Variants in NAV1 observed in about 807,000 individuals in gnomAD.
NAV1 encodes pore membrane and/or filament interacting like protein 3.
NAV1 carries 18 observed loss-of-function variants against 175.2 expected under a neutral mutation model. That is an observed-to-expected ratio of 0.10 (90% CI 0.07 to 0.15). NAV1 has a LOEUF of 0.15. NAV1 is among the 10% of genes least tolerant of loss of function. The probability of loss-of-function intolerance (pLI) is 1.00; values close to 1 mark genes in which losing one functional copy is unlikely to be tolerated. For synonymous variants in NAV1, 897 were observed against 978.7 expected, an observed-to-expected ratio of 0.92 and a Z score of 1.56; for missense variants, 1,731 against 2,436.6, an observed-to-expected ratio of 0.71 and a Z score of 6.10.
intron 1 of NAV1, among the ~76,000 whole-genome samples, chr1:201,563,293 C>G (rs1388306738): frequency 4.6e-5 from 7 of 151,956 alleles, no homozygotes; most frequent in Non-Finnish European, 1.0e-4. Context: ...CGGGACCCAG[C>G]CTGGATGGCA....
chr1:201,591,217 A>G lies in NAV1; in HGVS notation c.-33+2568A>G, dbSNP rs762939735. Reference sequence around the variant, plus strand: ...ACGGTATTGGAGTCAAAGATCCCTAAGGCGTCTCTCCAGCTCCACACAGAT... The same window carrying G: ...ACGGTATTGGAGTCAAAGATCCCTAGGGCGTCTCTCCAGCTCCACACAGAT... On this transcript the variant is annotated intron_variant, in intron 2 of 33. Coordinates refer to the NAV1 transcript ENST00000685211. Among the ~76,000 whole-genome samples, 31 of 152,224 alleles carry G rather than the reference A, an allele frequency of 2.0e-4. 1 individual carries two copies. The highest frequency in any genetic ancestry group is 3.1e-4 in the Non-Finnish European group (21 of 67,986).
chr1:201,612,969 G>A (rs1488792648), intron 2 of NAV1, among the ~76,000 whole-genome samples: 1 of 152,128 alleles, frequency 6.6e-6, no homozygotes, highest in Non-Finnish European at 1.5e-5. Flanking sequence ...TGAAGCCCAA[G>A]TTGAGATTTG....
Position 201,782,814 on chromosome 1 carries a change from C to G in NAV1, c.2302C>G (p.Gln768Glu), listed in dbSNP as rs2102713014. Residue 768 changes from glutamine to glutamate, a missense_variant, in exon 6 of 30, where the codon CAA becomes GAA. Around this residue, in one of 13 missense-constraint regions of NAV1, gnomAD observed 634 missense variants for 766.8 expected, o/e 0.83. Transcript: ENST00000367296. This position sits in a 1 kb window ranked among gnomAD's most constrained non-coding sequence, Gnocchi z 5.4. ...CTCCCCAGAAAGTACTCCCAAGAAC[C>G]AAGCAAGCCACCCCACAGCCACCAA... is the stretch of plus-strand genomic sequence containing the variant. 6.2e-7 allele frequency: 1 copy of G among 1,607,634 alleles called. No homozygotes were observed. The highest frequency in any genetic ancestry group is 2.2e-5 in the East Asian group (1 of 44,746).
chr1:201,688,653 G>A (rs991416458), intron 1 of NAV1, among the ~76,000 whole-genome samples: 2 of 152,150 alleles, frequency 1.3e-5, no homozygotes, highest in African/African-American at 2.4e-5. Context: ...CGCCCCCATC[G>A]AAAATAATTA....
At chr1:201,544,862 G>A (rs774525502) in intron 1 of NAV1, among the ~76,000 whole-genome samples, 1 of 152,138 alleles carries the variant, frequency 6.6e-6, no homozygotes, top group African/African-American at 2.4e-5. Context: ...CACTGGATGT[G>A]TCCCCATGTT....
intron 2 of NAV1, among the ~76,000 whole-genome samples, chr1:201,603,037 G>A (rs1667569738): frequency 6.6e-6 from 1 of 152,208 alleles, no homozygotes; most frequent in Non-Finnish European, 1.5e-5. Context: ...GTGTCGGTGT[G>A]AGTCACTGCT....
At chr1:201,653,419 T>C (rs1359788638) in intron 1 of NAV1, among the ~76,000 whole-genome samples, 1 of 151,628 alleles carries the variant, frequency 6.6e-6, no homozygotes, top group Non-Finnish European at 1.5e-5. Context: ...TTAGGCCTTC[T>C]GAAGTGCAGG....
In NAV1 at chr1:201,567,583, T is replaced by C. The variant is rs630321; in HGVS notation, c.-143-20956T>C. Among the ~76,000 whole-genome samples, 489 of 152,220 alleles carry C rather than the reference T, an allele frequency of 3.2e-3. 5 individuals are homozygous for C. The highest frequency in any genetic ancestry group is 0.011 in the African/African-American group (466 of 41,518). ...AACTGAATCAGTAATGAGACTCTACTGTGTGTGTAGACAATATTGATGTGC... is the reference window on the plus strand; with the variant it reads ...AACTGAATCAGTAATGAGACTCTACCGTGTGTGTAGACAATATTGATGTGC... On this transcript the variant is annotated intron_variant, in intron 1 of 33. Transcript: ENST00000685211.
intron 3 of NAV1, among the ~76,000 whole-genome samples, chr1:201,759,913 C>T (rs1012025736): frequency 6.6e-6 from 1 of 152,166 alleles, no homozygotes; most frequent in African/African-American, 2.4e-5. Flanking sequence ...GTTTCCCTTG[C>T]AATACATTGA....
chr1:201,640,253 G>A (rs1668713406), intron 2 of NAV1, among the ~76,000 whole-genome samples: 1 of 152,204 alleles, frequency 6.6e-6, no homozygotes, highest in South Asian at 2.1e-4. Context: ...GTGAGCCGGG[G>A]ACCTGCAGTG....
intron 1 of NAV1, among the ~76,000 whole-genome samples, chr1:201,676,769 A>T: frequency 6.6e-6 from 1 of 152,192 alleles, no homozygotes; most frequent in East Asian, 1.9e-4. Context: ...ATAATTAATA[A>T]TCATGTCAAA....
At position 201,808,811 on chromosome 1, in the gene NAV1, C is replaced by G. The variant is rs762617052; in HGVS notation, c.4147C>G (p.Pro1383Ala). 6.2e-7 allele frequency: 1 copy of G among 1,614,050 alleles called. No homozygotes were observed. The highest frequency in any genetic ancestry group is 1.1e-5 in the South Asian group (1 of 91,078). Residue 1383 changes from proline to alanine, a missense_variant, in exon 20 of 30, where the codon CCA becomes GCA. Coordinates refer to ENST00000367296, the Ensembl canonical transcript of NAV1. The surrounding 1 kb of genome is among the most constrained non-coding windows in gnomAD (Gnocchi z 5.5). ...CCCTGGATCATCTGCATTATCTTCC[C>G]CACGCCGCTCCCTAGGCCTGGCACT... is the stretch of plus-strand genomic sequence containing the variant.
intron 3 of NAV1, among the ~76,000 whole-genome samples, chr1:201,725,466 A>G (rs889399610): frequency 6.6e-6 from 1 of 152,186 alleles, no homozygotes; most frequent in African/African-American, 2.4e-5. Flanking sequence ...AAAGGGAGGT[A>G]GGCAGCCTGG....
In NAV1 at chr1:201,539,291, G is replaced by A. The variant is rs1030993007; in HGVS notation, c.-195G>A. ...ACCCGCGCTGCCCTTGGGGATGCGC[G>A]ACTCTGCGCGGCTGCGGCGCGGACC... On this transcript the variant is annotated 5_prime_UTR_variant, in exon 1 of 34. Coordinates refer to the NAV1 transcript ENST00000685211. The surrounding 1 kb of genome is among the most constrained non-coding windows in gnomAD (Gnocchi z 5.6). Among the ~76,000 whole-genome samples the A allele has an allele frequency of 6.6e-6, 1 of 151,932 alleles. No homozygotes were observed. The highest frequency in any genetic ancestry group is 2.4e-5 in the African/African-American group (1 of 41,428).
At chr1:201,670,497 G>C (rs940199098) in intron 1 of NAV1, among the ~76,000 whole-genome samples, 1 of 151,688 alleles carries the variant, frequency 6.6e-6, no homozygotes, top group African/African-American at 2.4e-5. Context: ...AGAGTGTCCT[G>C]AGCAGGCAGA....
intron 3 of NAV1, among the ~76,000 whole-genome samples, chr1:201,727,777 G>A (rs774566429): frequency 2.0e-5 from 3 of 152,214 alleles, no homozygotes; most frequent in Non-Finnish European, 2.9e-5. Context: ...AGGAGATGAC[G>A]TGGAATACAC....
At position 201,808,065 on chromosome 1, in the gene NAV1, C is replaced by G. The variant is rs1678416938; in HGVS notation, c.3761C>G (p.Pro1254Arg). The G allele has an allele frequency of 6.2e-7, 1 of 1,614,090 alleles. No homozygotes were observed. Among genetic ancestry groups the G allele is most frequent in the African/African-American group, 1.3e-5 (1 of 74,928 alleles). Residue 1254 changes from proline to arginine, a missense_variant, in exon 18 of 30, where the codon CCC (proline) becomes CGC (arginine). Transcript: ENST00000367296. This position sits in a 1 kb window ranked among gnomAD's most constrained non-coding sequence, Gnocchi z 5.5. ...CCCGACTCTTCAGCCCCCTCATCCCCCAAACTACAGCATGGTTCTACAGAG... is the reference window on the plus strand; with the variant it reads ...CCCGACTCTTCAGCCCCCTCATCCCGCAAACTACAGCATGGTTCTACAGAG...
At position 201,787,805 on chromosome 1, in the gene NAV1, C is replaced by T. The variant is rs1353543895; in HGVS notation, c.2996-663C>T. 2 of 438,042 alleles carry T rather than the reference C, an allele frequency of 4.6e-6. No individual in the cohort carries two copies. The highest frequency in any genetic ancestry group is 4.0e-5 in the African/African-American group (2 of 49,670). 27.1% of individuals were successfully genotyped at this position (438,042 alleles called of 1,614,324 possible). On this transcript the variant is annotated intron_variant, in intron 9 of 29. Transcript: ENST00000367296. The surrounding 1 kb of genome is among the most constrained non-coding windows in gnomAD (Gnocchi z 4.3). Reference sequence around the variant, plus strand: ...GCAGGTTAACGGGATTCAGCTGAACCCAGCTTCAAAGCACATTCCACAAGC... The same window carrying T: ...GCAGGTTAACGGGATTCAGCTGAACTCAGCTTCAAAGCACATTCCACAAGC...
chr1:201,572,919 T>C (rs531818535), intron 1 of NAV1, among the ~76,000 whole-genome samples: 3 of 152,296 alleles, frequency 2.0e-5, no homozygotes, highest in South Asian at 2.1e-4. Context: ...TCTCCTCCCA[T>C]GCTGTCCAAC....
Sources: allele counts gnomAD v4.1 joint callset (sites outside exome capture counted in the v4.1 genomes callset), GRCh38; gene constraint gnomAD v4.1.1; regional missense constraint gnomAD v4.1.1; non-coding constraint Gnocchi (gnomAD v3.1); transcripts MANE v1.5; gene names NCBI Gene and HGNC (gene_info 2026-07-23, HGNC 2026-07-21).